NPAS3: variants seen among roughly 807,000 people sequenced by gnomAD.
The protein encoded by NPAS3 is neuronal PAS domain-containing protein 3.
NPAS3 carries 14 observed loss-of-function variants against 73.1 expected under a neutral mutation model. The ratio of observed to expected loss-of-function variants is 0.19; its 90% confidence interval spans 0.13 to 0.30. The LOEUF is 0.30. Among genes scored for constraint, NPAS3 ranks in the 10% least tolerant of loss-of-function variants. The pLI is 1.00. For synonymous variants in NPAS3, 620 were observed against 541.5 expected, an observed-to-expected ratio of 1.14 and a Z score of -2.01; for missense variants, 1,096 against 1,250.0, an observed-to-expected ratio of 0.88 and a Z score of 1.86.
intron 4 of NPAS3, among the ~76,000 whole-genome samples, chr14:33,444,812 C>T (rs2049411957): frequency 6.6e-6 from 1 of 152,256 alleles, no homozygotes; most frequent in African/African-American, 2.4e-5. Flanking sequence ...AAAGTTGAAA[C>T]TGCCTGTAAG....
chr14:33,682,932 T>C (rs75017662), intron 6 of NPAS3, among the ~76,000 whole-genome samples: 3 of 152,284 alleles, frequency 2.0e-5, no homozygotes, highest in African/African-American at 4.8e-5. Flanking sequence ...CAGGAATCCT[T>C]TGGGACCTAA....
At chr14:33,658,388 T>C (rs2059210936) in intron 5 of NPAS3, among the ~76,000 whole-genome samples, 1 of 152,248 alleles carries the variant, frequency 6.6e-6, no homozygotes, top group Non-Finnish European at 1.5e-5. Flanking sequence ...CACCTTAACT[T>C]AGTTGGTCTG....
upstream of NPAS3, among the ~76,000 whole-genome samples, chr14:32,937,156 G>T (rs1162730959): frequency 1.3e-5 from 2 of 151,942 alleles, no homozygotes; most frequent in East Asian, 3.9e-4. Flanking sequence ...ATTGGCAGGT[G>T]TTGGAGGTAG....
intron 1 of NPAS3, among the ~76,000 whole-genome samples, chr14:33,045,064 C>A (rs8017417): frequency 0.48 from 73,300 of 151,962 alleles, 21,351 homozygotes; most frequent in African/African-American, 0.83. Flanking sequence ...ATGAGGGAGC[C>A]CATACCCAGT....
chr14:33,340,565 G>T (rs2044429341), intron 3 of NPAS3, among the ~76,000 whole-genome samples: 1 of 152,184 alleles, frequency 6.6e-6, no homozygotes, highest in Non-Finnish European at 1.5e-5. Flanking sequence ...TATTAACACT[G>T]CCCACTACCA....
chr14:33,519,396 C>A (rs779106580), intron 4 of NPAS3, among the ~76,000 whole-genome samples: 1 of 152,086 alleles, frequency 6.6e-6, no homozygotes. Flanking sequence ...TCATTACACT[C>A]AAACATTAGT....
At chr14:33,446,166 C>CTTT (rs71118544) in intron 4 of NPAS3, among the ~76,000 whole-genome samples, 6,388 of 119,616 alleles carry the variant, frequency 0.053, 351 homozygotes, top group South Asian at 0.069. Flanking sequence ...TTCATGCTTT[C>CTTT]TTTTTTTTTT....
chr14:33,633,969 C>T (rs2058447099), intron 5 of NPAS3, among the ~76,000 whole-genome samples: 1 of 152,080 alleles, frequency 6.6e-6, no homozygotes, highest in South Asian at 2.1e-4. Context: ...CAGAGTGAGA[C>T]CATGTCTCAA....
At chr14:33,214,592 ATCT>A (rs2047152979) in intron 2 of NPAS3, 1 of 152,364 alleles carries the variant, frequency 6.6e-6, no homozygotes, top group Non-Finnish European at 1.5e-5. Flanking sequence ...TTACATTGAA[ATCT>A]TCATTTTAAA....
chr14:33,184,237 T>C (rs1488850653), intron 2 of NPAS3, among the ~76,000 whole-genome samples: 8 of 152,026 alleles, frequency 5.3e-5, no homozygotes, highest in Admixed American at 5.2e-4. Flanking sequence ...AAGCGACTGC[T>C]AAGGGGAGAT....
chr14:33,171,601 A>G (rs1033431859), intron 2 of NPAS3, among the ~76,000 whole-genome samples: 1 of 152,192 alleles, frequency 6.6e-6, no homozygotes, highest in African/African-American at 2.4e-5. Flanking sequence ...GCTCTGGATT[A>G]GGTTTTGGCT....
chr14:33,507,754 A>T (rs2052837872), intron 4 of NPAS3, among the ~76,000 whole-genome samples: 1 of 152,054 alleles, frequency 6.6e-6, no homozygotes, highest in African/African-American at 2.4e-5. Flanking sequence ...TCTAATAAAT[A>T]TCAAGAGTTA....
chr14:33,696,880 C>A (rs976099949), intron 6 of NPAS3, among the ~76,000 whole-genome samples: 1 of 152,154 alleles, frequency 6.6e-6, no homozygotes, highest in Admixed American at 6.5e-5. Flanking sequence ...GCTGAACATG[C>A]GCTGCAAAAG....
At chr14:33,025,126 C>T (rs752282947) in intron 1 of NPAS3, among the ~76,000 whole-genome samples, 1 of 152,158 alleles carries the variant, frequency 6.6e-6, no homozygotes, top group Non-Finnish European at 1.5e-5. Context: ...ACAGAGGAGG[C>T]TGCTACTGCA....
chr14:33,243,844 GAT>G (rs1185314757), intron 3 of NPAS3, among the ~76,000 whole-genome samples: 1 of 151,788 alleles, frequency 6.6e-6, no homozygotes, highest in Non-Finnish European at 1.5e-5. Flanking sequence ...AGGAAAAACA[GAT>G]ATTTTGGTGA....
rs372681486 is a variant in NPAS3 at position 33,089,980 on chromosome 14, C to A, written c.140+33986C>A. Among the ~76,000 whole-genome samples the A allele has an allele frequency of 7.9e-5, 12 of 152,310 alleles. No individual in the cohort carries two copies. In the East Asian group the frequency reaches 1.7e-3, roughly 22 times the overall value. The stretch of plus-strand genomic sequence containing the variant: ...TTTTGTCACCACCAGGTCTGCCCTA[C>A]AAGAGCTCCTAAAGGAAGCACTAAA... On this transcript the variant is annotated intron_variant, in intron 2 of 11. Transcript: ENST00000356141.
At chr14:33,389,975 C>A (rs924304747) in intron 4 of NPAS3, among the ~76,000 whole-genome samples, 9 of 152,142 alleles carry the variant, frequency 5.9e-5, no homozygotes, top group African/African-American at 2.2e-4. Flanking sequence ...ATATGGTCAT[C>A]TGTCAGCCGA....
At chr14:33,609,355 A>G (rs1340004006) in intron 5 of NPAS3, among the ~76,000 whole-genome samples, 1 of 152,202 alleles carries the variant, frequency 6.6e-6, no homozygotes, top group African/African-American at 2.4e-5. Context: ...ATGAGAGACC[A>G]TTGGATAGAC....
At chr14:33,405,290 G>T (rs2047617089) in intron 4 of NPAS3, among the ~76,000 whole-genome samples, 1 of 152,208 alleles carries the variant, frequency 6.6e-6, no homozygotes, top group East Asian at 1.9e-4. Context: ...TAGGCAGGAA[G>T]AGGCCATTTC....
Sources: gnomAD v4.1 joint callset for allele counts (sites outside exome capture counted in the v4.1 genomes callset) on GRCh38, gnomAD v4.1.1 for gene constraint, MANE v1.5 for transcripts, NCBI Gene and HGNC (gene_info 2026-07-23, HGNC 2026-07-21) for gene names.